Variants in KALRN observed in about 807,000 individuals in gnomAD.
KALRN encodes kalirin.
KALRN carries 70 observed loss-of-function variants against 353.7 expected under a neutral mutation model. The ratio of observed to expected loss-of-function variants is 0.20; its 90% CI spans 0.16 to 0.24. The LOEUF (loss-of-function observed/expected upper bound fraction) is 0.24, where lower values mean the gene tolerates loss of function less well. KALRN is among the 10% of genes least tolerant of loss of function. The probability of loss-of-function intolerance (pLI) is 1.00; values close to 1 mark genes in which losing one functional copy is unlikely to be tolerated. For missense variants in KALRN, 2,791 were observed against 3,756.7 expected (o/e 0.74, Z 6.72); for synonymous variants, 1,391 against 1,434.8 (o/e 0.97, Z 0.69).
chr3:124,423,073 A>C (rs1192103615), intron 15 of KALRN, 95 bp downstream of exon 15: 11 of 1,197,682 alleles, frequency 9.2e-6, no homozygotes, highest in Non-Finnish European at 1.3e-5. Flanking sequence ...ATACAGAGCC[A>C]CAGGTGCCCC....
intron 52 of KALRN, 139 bp from the exon 53 acceptor site, chr3:124,694,193 A>G (rs1051755376): frequency 4.0e-6 from 3 of 756,386 alleles, no homozygotes; most frequent in Non-Finnish European, 6.6e-6. Context: ...GACCCAGATG[A>G]CTCACCAGTG....
At chr3:124,287,686 A>G (rs143451620) in intron 5 of KALRN, among the ~76,000 whole-genome samples, 1 of 149,816 alleles carries the variant, frequency 6.7e-6, no homozygotes, top group African/African-American at 2.5e-5. Context: ...TCTCCACGTG[A>G]ACATTTTAAA....
chr3:124,245,088 T>C (rs992246807), intron 3 of KALRN, among the ~76,000 whole-genome samples: 7 of 152,208 alleles, frequency 4.6e-5, no homozygotes, highest in Non-Finnish European at 7.3e-5. Flanking sequence ...CACTAGATCT[T>C]ATTCCTTCTA....
At chr3:124,093,767 G>GA (rs995973515) in intron 1 of KALRN, among the ~76,000 whole-genome samples, 4 of 152,126 alleles carry the variant, frequency 2.6e-5, no homozygotes, top group African/African-American at 9.7e-5. Context: ...AAGGTGGAAT[G>GA]AAAAAAATAA....
intron 1 of KALRN, among the ~76,000 whole-genome samples, chr3:124,061,328 A>G (rs2041978151): frequency 6.6e-6 from 1 of 152,206 alleles, no homozygotes; most frequent in African/African-American, 2.4e-5. Context: ...TTTAATTTTC[A>G]TAATAACTCC....
At chr3:124,543,755 A>G (rs2069321787) in intron 33 of KALRN, among the ~76,000 whole-genome samples, 1 of 152,044 alleles carries the variant, frequency 6.6e-6, no homozygotes, top group Non-Finnish European at 1.5e-5. Flanking sequence ...AAATTAATTT[A>G]TAAGGATGTC....
At chr3:124,581,410 C>T (rs2010099) in intron 34 of KALRN, among the ~76,000 whole-genome samples, 14,259 of 141,652 alleles carry the variant, frequency 0.1, 739 homozygotes, top group Non-Finnish European at 0.12. Flanking sequence ...AAAAAAGTAT[C>T]GGTGGAAACA....
intron 15 of KALRN, among the ~76,000 whole-genome samples, chr3:124,430,428 G>T (rs2093218998): frequency 6.6e-6 from 1 of 152,214 alleles, no homozygotes; most frequent in Admixed American, 6.5e-5. Flanking sequence ...ACAGAGGGGT[G>T]ACATGGAGCT....
chr3:124,472,462 A>G (rs2061016909), intron 25 of KALRN, among the ~76,000 whole-genome samples: 1 of 152,158 alleles, frequency 6.6e-6, no homozygotes, highest in South Asian at 2.1e-4. Context: ...GGCCAAGGCA[A>G]GAGGACTGCT....
At chr3:124,691,836 A>T (rs1321819375) in intron 51 of KALRN, among the ~76,000 whole-genome samples, 1 of 152,130 alleles carries the variant, frequency 6.6e-6, no homozygotes, top group East Asian at 1.9e-4. Context: ...TGGTTGATTT[A>T]ATAGTTTGAG....
chr3:124,508,627 C>A (rs185223743), intron 33 of KALRN, among the ~76,000 whole-genome samples: 6 of 152,104 alleles, frequency 3.9e-5, no homozygotes, highest in African/African-American at 9.7e-5. Context: ...GGTATACATA[C>A]CCCTGTGCAT....
At chr3:124,585,472 T>G (rs940849488) in intron 34 of KALRN, among the ~76,000 whole-genome samples, 28 of 152,232 alleles carry the variant, frequency 1.8e-4, no homozygotes, top group Non-Finnish European at 7.3e-5. Context: ...GGAGCTTGGC[T>G]CATTAATTAA....
intron 56 of KALRN, 56 bp downstream of exon 56, chr3:124,700,089 C>A: frequency 6.4e-7 from 1 of 1,566,798 alleles, no homozygotes; most frequent in South Asian, 1.1e-5. Context: ...CACCTGGCTG[C>A]CTGTCACAGA....
chr3:124,503,083 A>C (rs2064791969), intron 33 of KALRN, among the ~76,000 whole-genome samples: 3 of 152,176 alleles, frequency 2.0e-5, no homozygotes, highest in Middle Eastern at 3.4e-3. Flanking sequence ...ATTCCTCAGC[A>C]CTAGTATTAC....
chr3:124,603,005 G>C (rs960871804), intron 34 of KALRN, among the ~76,000 whole-genome samples: 1 of 151,966 alleles, frequency 6.6e-6, no homozygotes, highest in Non-Finnish European at 1.5e-5. Flanking sequence ...GTGGAATCTA[G>C]TGCAATTTCA....
chr3:124,182,611 A>G (rs888569109), intron 1 of KALRN, among the ~76,000 whole-genome samples: 17 of 152,234 alleles, frequency 1.1e-4, no homozygotes, highest in African/African-American at 2.9e-4. Flanking sequence ...ATTAAGAAGC[A>G]AGCTACAAAG....
chr3:124,424,807 A>G (rs571092783), intron 15 of KALRN, among the ~76,000 whole-genome samples: 1 of 152,176 alleles, frequency 6.6e-6, no homozygotes, highest in Non-Finnish European at 1.5e-5. Context: ...ATCTCATTTT[A>G]AGAGAACATG....
chr3:124,716,134 C>T (rs1486679839), intron 58 of KALRN, among the ~76,000 whole-genome samples: 2 of 152,154 alleles, frequency 1.3e-5, no homozygotes, highest in Admixed American at 6.5e-5. Flanking sequence ...GGTAACAGAA[C>T]CAGGATTCGA....
chr3:124,628,397 T>TTCCCTCCCTCCCTCCCTTCCTTCCC (rs369073321), intron 34 of KALRN, among the ~76,000 whole-genome samples: 1 of 34,930 alleles, frequency 2.9e-5, no homozygotes, highest in African/African-American at 1.3e-4. Context: ...CCTTCCTTCC[T>TTCCCTCCCTCCCTCCCTTCCTTCCC]TCCCTCCCTC....
Sources: allele counts gnomAD v4.1 joint callset (sites outside exome capture counted in the v4.1 genomes callset), GRCh38; gene constraint gnomAD v4.1.1; transcripts MANE v1.5; gene names NCBI Gene and HGNC (gene_info 2026-07-23, HGNC 2026-07-21).